The following CNOT4 variants were observed in gnomAD, a reference collection of about 807,000 sequenced individuals.
CNOT4 encodes CCR4-NOT transcription complex subunit 4.
A neutral mutation model predicts 73.8 loss-of-function variants in CNOT4; 8 were observed. The observed-to-expected ratio is 0.11, with a 90% CI of 0.06 to 0.20. The LOEUF (loss-of-function observed/expected upper bound fraction) is 0.20, where lower values mean the gene tolerates loss of function less well. CNOT4 is among the 10% of genes least tolerant of loss of function. The pLI is 1.00. For synonymous variants in CNOT4, 293 were observed against 321.1 expected, an observed-to-expected ratio of 0.91 and a Z score of 0.94; for missense variants, 564 against 883.4, an observed-to-expected ratio of 0.64 and a Z score of 4.58.
chr7:135,481,088 A>G (rs1802351734), intron 1 of CNOT4, among the ~76,000 whole-genome samples: 1 of 152,096 alleles, frequency 6.6e-6, no homozygotes. Flanking sequence ...AAATAGACAA[A>G]TGGGACTATA....
chr7:135,380,816 CATT>C (rs1232055803), intron 10 of CNOT4, among the ~76,000 whole-genome samples: 12 of 152,254 alleles, frequency 7.9e-5, no homozygotes, highest in African/African-American at 2.6e-4. Flanking sequence ...TTATTATCAT[CATT>C]GTTATTATTC....
chr7:135,493,521 T>C (rs1391672615), intron 1 of CNOT4, among the ~76,000 whole-genome samples: 4 of 152,222 alleles, frequency 2.6e-5, no homozygotes, highest in Admixed American at 1.3e-4. Context: ...GATGATAGAC[T>C]GTGAATTCCA....
chr7:135,444,729 TATTC>T, intron 1 of CNOT4: 1 of 1,351,494 alleles, frequency 7.4e-7, no homozygotes. Flanking sequence ...TGCGATGGGC[TATTC>T]CCTGGCTGCG....
intron 7 of CNOT4, among the ~76,000 whole-genome samples, chr7:135,403,564 G>A (rs893090282): frequency 3.3e-5 from 5 of 151,360 alleles, no homozygotes; most frequent in Non-Finnish European, 7.4e-5. Flanking sequence ...GGACAGCCTG[G>A]GCAACACAGC....
chr7:135,407,232 TG>T (rs1424937584), intron 7 of CNOT4, among the ~76,000 whole-genome samples: 4 of 152,214 alleles, frequency 2.6e-5, no homozygotes, highest in Admixed American at 6.5e-5. Context: ...GTGAGCCAAA[TG>T]AATCTCTCTT....
intron 4 of CNOT4, among the ~76,000 whole-genome samples, chr7:135,414,772 C>T (rs1450555484): frequency 1.3e-5 from 2 of 151,934 alleles, no homozygotes; most frequent in Non-Finnish European, 2.9e-5. Flanking sequence ...AAGACTATGT[C>T]AAATTACATT....
At chr7:135,453,592 G>A (rs1297848021) in intron 1 of CNOT4, among the ~76,000 whole-genome samples, 3 of 151,512 alleles carry the variant, frequency 2.0e-5, no homozygotes, top group South Asian at 2.1e-4. Flanking sequence ...CGTACAGTAA[G>A]ACAGAATTCA....
intron 1 of CNOT4, among the ~76,000 whole-genome samples, chr7:135,484,967 T>C (rs569679955): frequency 6.6e-6 from 1 of 152,282 alleles, no homozygotes; most frequent in Admixed American, 6.5e-5. Flanking sequence ...CTGAAGAGAC[T>C]TACTATGTTC....
In CNOT4 at chr7:135,395,507, T is replaced by C. The variant is rs558884712; in HGVS notation, c.1129+127A>G. 19 of 1,052,142 alleles carry C rather than the reference T, an allele frequency of 1.8e-5. No homozygotes were observed. The East Asian group carries it at 2.2e-4, about 12-fold the overall frequency. 65.2% of individuals were successfully genotyped at this position (1,052,142 alleles called of 1,614,324 possible). ...ACCTAATTCCATGTAGTTTAAATAT[T>C]TGCATTTTTATTAAAAGAGAACAGA... On this transcript the variant is annotated intron_variant, in intron 9 of 11. Transcript: ENST00000541284.
chr7:135,367,308 GCA>G (rs1794968182), intron 10 of CNOT4, among the ~76,000 whole-genome samples: 1 of 152,104 alleles, frequency 6.6e-6, no homozygotes, highest in African/African-American at 2.4e-5. Flanking sequence ...TCAACCTGAT[GCA>G]AGTTCATTTT....
chr7:135,485,156 T>C (rs938971070), intron 1 of CNOT4, among the ~76,000 whole-genome samples: 2 of 152,192 alleles, frequency 1.3e-5, no homozygotes, highest in Non-Finnish European at 2.9e-5. Context: ...CACTGCAACC[T>C]CTGCCTCCCG....
At position 135,476,714 on chromosome 7, in the gene CNOT4, G is replaced by A. The variant is rs1000248223; in HGVS notation, c.-93+33175C>T. On this transcript the variant is annotated intron_variant, in intron 1 of 11. Coordinates refer to ENST00000541284, the MANE Select transcript of CNOT4 (RefSeq NM_001190850.2). ...AGGCTGGGTACAGTGGCTCATGCCT[G>A]TAATACCAGCACTTTGGGAGGCCAA... 2.6e-5 allele frequency among the ~76,000 whole-genome samples: 4 copies of A among 152,190 alleles called. No individual in the cohort carries two copies. In the East Asian group the frequency reaches 5.8e-4, roughly 22 times the overall value.
intron 10 of CNOT4, among the ~76,000 whole-genome samples, chr7:135,393,177 T>C (rs542806376): frequency 5.3e-5 from 8 of 152,260 alleles, no homozygotes; most frequent in African/African-American, 1.9e-4. Flanking sequence ...ATCTAAAAAA[T>C]GTTATATAGA....
At position 135,363,496 on chromosome 7, in the gene CNOT4, G is replaced by A. The variant is rs60216556; in HGVS notation, c.1841-310C>T. Among the ~76,000 whole-genome samples, 3 of 152,160 alleles carry A rather than the reference G, an allele frequency of 2.0e-5. No homozygotes were observed. Among genetic ancestry groups the A allele is most frequent in the Admixed American group, 6.5e-5 (1 of 15,274 alleles). ...GCTTTTCCTCCTCTGACAGGGATGCGTAACAAGACAGCCTTATAATAGAGA... is the reference window on the plus strand; with the variant it reads ...GCTTTTCCTCCTCTGACAGGGATGCATAACAAGACAGCCTTATAATAGAGA... On this transcript the variant is annotated intron_variant, in intron 11 of 11. Coordinates refer to ENST00000541284, the MANE Select transcript of CNOT4 (RefSeq NM_001190850.2). The surrounding 1 kb of genome is among the most constrained non-coding windows in gnomAD (Gnocchi z 4.3).
chr7:135,387,631 C>T, intron 10 of CNOT4: 4 of 984,024 alleles, frequency 4.1e-6, no homozygotes, highest in Non-Finnish European at 4.8e-6. Context: ...CTTTCCCTTT[C>T]TTCCCAGATG....
intron 10 of CNOT4, chr7:135,384,853 G>C (rs148225366): frequency 7.4e-5 from 50 of 673,486 alleles, no homozygotes; most frequent in Admixed American, 8.6e-5. Context: ...TTAACACTAA[G>C]TAGTCAATGA....
chr7:135,495,686 A>G (rs867714078), intron 1 of CNOT4, among the ~76,000 whole-genome samples: 52 of 85,922 alleles, frequency 6.1e-4, no homozygotes, highest in East Asian at 1.3e-3. Context: ...AAAAAAAAAA[A>G]AAAAAAAGAA....
At chr7:135,456,032 T>C (rs1031559476) in intron 1 of CNOT4, among the ~76,000 whole-genome samples, 1 of 152,148 alleles carries the variant, frequency 6.6e-6, no homozygotes, top group Non-Finnish European at 1.5e-5. Flanking sequence ...CAGAAGAGAA[T>C]CTAGACATTA....
At chr7:135,473,773 G>T (rs1327399981) in intron 1 of CNOT4, among the ~76,000 whole-genome samples, 3 of 152,050 alleles carry the variant, frequency 2.0e-5, no homozygotes, top group African/African-American at 7.2e-5. Flanking sequence ...GAGGGAGAGT[G>T]AGAGTGCACA....
Sources: allele counts gnomAD v4.1 joint callset (sites outside exome capture counted in the v4.1 genomes callset), GRCh38; gene constraint gnomAD v4.1.1; non-coding constraint Gnocchi (gnomAD v3.1); transcripts MANE v1.5; gene names NCBI Gene and HGNC (gene_info 2026-07-23, HGNC 2026-07-21).